The following BTBD2 variants were observed in gnomAD, a reference collection of about 807,000 sequenced individuals.
The protein encoded by BTBD2 is BTB/POZ domain-containing protein 2.
BTBD2 carries 15 observed loss-of-function variants against 44.0 expected under a neutral mutation model. The observed-to-expected ratio is 0.34, with a 90% CI of 0.23 to 0.53. BTBD2 has a LOEUF of 0.53. Ranked by LOEUF, BTBD2 falls within the 20% of genes least tolerant of loss-of-function variation. The pLI, the probability that BTBD2 is intolerant of heterozygous loss-of-function variation, is 0.95. For synonymous variants in BTBD2, 443 were observed against 335.9 expected (o/e 1.32, Z -3.49); for missense variants, 657 against 746.4 (o/e 0.88, Z 1.39).
Position 1,993,092 on chromosome 19 carries a change from C to T in BTBD2, c.612G>A (p.Ala204=). The T allele has an allele frequency of 6.2e-7, 1 of 1,608,824 alleles. No individual in the cohort carries two copies. Among genetic ancestry groups the T allele is most frequent in the Non-Finnish European group, 8.5e-7 (1 of 1,179,712 alleles). The part of the protein sequence containing the change: ...LYTAKKYAVP[A]LEAHCVEFLK... ...GGAACTCCACGCAATGGGCCTCGAG[C>T]GCTGGCACCGCGTACTTCTTGGCGG... The change falls in exon 3 of 9, where the codon GCG becomes GCA. Residue 204 remains alanine (A), a synonymous_variant. Coordinates refer to ENST00000255608, the MANE Select transcript of BTBD2 (RefSeq NM_017797.4).
At chr19:2,006,232 C>T (rs1423428713) in intron 1 of BTBD2, among the ~76,000 whole-genome samples, 1 of 152,206 alleles carries the variant, frequency 6.6e-6, no homozygotes, top group South Asian at 2.1e-4. Flanking sequence ...CATCTGTAGT[C>T]CGTACTGGCA....
intron 1 of BTBD2, chr19:2,013,820 C>T (rs575140425): frequency 1.7e-5 from 5 of 291,300 alleles, no homozygotes; most frequent in African/African-American, 9.6e-5. Flanking sequence ...GCAGGGAGGA[C>T]GCAGGGAGCA....
chr19:2,012,864 TC>T (rs1168106476), intron 1 of BTBD2, among the ~76,000 whole-genome samples: 1 of 151,204 alleles, frequency 6.6e-6, no homozygotes, highest in Non-Finnish European at 1.5e-5. Context: ...GCGCCCCACC[TC>T]CCCCCTCAAA....
intron 1 of BTBD2, among the ~76,000 whole-genome samples, chr19:2,010,024 T>C (rs1180777790): frequency 2.0e-5 from 3 of 151,642 alleles, no homozygotes; most frequent in East Asian, 1.9e-4. Context: ...TGGTGGCGGG[T>C]GCCTGTAGTC....
intron 3 of BTBD2, chr19:1,991,027 T>C (rs1181734634): frequency 7.4e-6 from 4 of 543,096 alleles, no homozygotes; most frequent in Non-Finnish European, 1.3e-5. Flanking sequence ...GGCGGGAGAG[T>C]TGGGGAGTTC....
intron 2 of BTBD2, 62 bp from the exon 3 acceptor site, chr19:1,993,238 GTCAGGGGACCAC>G: frequency 1.3e-6 from 2 of 1,539,996 alleles, no homozygotes; most frequent in Non-Finnish European, 1.7e-6. Flanking sequence ...AGGGGAGAGC[GTCAGGGGACCAC>G]TCAGACCGTT....
intron 2 of BTBD2, 107 bp from the exon 3 acceptor site, chr19:1,993,283 G>C (rs1245110630): frequency 7.0e-7 from 1 of 1,429,250 alleles, no homozygotes; most frequent in East Asian, 2.6e-5. Flanking sequence ...CGGCCCTTGA[G>C]CTGGCAGGAC....
At position 1,997,329 on chromosome 19, in the gene BTBD2, A is replaced by AT; in HGVS notation, c.527+14dup. ...CAGGCCCAGCTCCCCAGCAGGAAGC[A>AT]TCCGGAAGCATTACTTGAGCAGTGC... On this transcript the variant is annotated intron_variant, in intron 2 of 8. Transcript: ENST00000255608. 1 of 1,614,012 alleles carries AT rather than the reference A, an allele frequency of 6.2e-7. No homozygotes were observed. The highest frequency in any genetic ancestry group is 8.5e-7 in the Non-Finnish European group (1 of 1,179,998).
At chr19:1,990,862 A>G (rs2016167391) in intron 3 of BTBD2, 40 bp from the exon 4 acceptor site, 3 of 1,501,734 alleles carry the variant, frequency 2.0e-6, no homozygotes, top group East Asian at 2.5e-5. Flanking sequence ...TGGGGACATC[A>G]GCACCCAGCC....
intron 1 of BTBD2, among the ~76,000 whole-genome samples, chr19:2,010,861 AC>A (rs1440469632): frequency 6.6e-6 from 1 of 151,814 alleles, no homozygotes; most frequent in Non-Finnish European, 1.5e-5. Context: ...CTGGTCTCAA[AC>A]CCCTGACCTC....
intron 8 of BTBD2, 38 bp downstream of exon 8, chr19:1,986,792 A>AGACTCCCACGGAGG (rs1178742062): frequency 1.3e-6 from 2 of 1,577,984 alleles, no homozygotes; most frequent in Admixed American, 3.4e-5. Context: ...GATGGGCCAG[A>AGACTCCCACGGAGG]GACTCCCACG....
intron 2 of BTBD2, among the ~76,000 whole-genome samples, chr19:1,994,880 T>C (rs1274619805): frequency 6.6e-6 from 1 of 152,224 alleles, no homozygotes; most frequent in East Asian, 1.9e-4. Context: ...CCAATGTCTT[T>C]GTTTATTCTT....
At chr19:1,990,401 G>GTTGTT in intron 4 of BTBD2, 200 bp from the exon 5 acceptor site, 1 of 658,828 alleles carries the variant, frequency 1.5e-6, no homozygotes, top group East Asian at 2.8e-5. Context: ...CTCGGCTGTG[G>GTTGTT]TTGTTTTTAA....
In BTBD2 at chr19:2,015,159, G is replaced by A. The variant is rs1257093530; in HGVS notation, c.407+138C>T. 2.3e-6 allele frequency: 3 copies of A among 1,306,612 alleles called. No individual in the cohort carries two copies. The East Asian group carries it at 9.5e-5, about 41-fold the overall frequency. The allele number at this position is 1,306,612 out of a possible 1,614,324, so 80.9% of individuals were successfully genotyped here. A position where few individuals can be genotyped will look rare whatever the true frequency, so the allele number is the denominator to read the frequency against. On this transcript the variant is annotated intron_variant, in intron 1 of 8. Transcript: ENST00000255608. ...GAGGATGCAGGGGTGCAGGGGTCCCGGGGACAGAGGGGTGCAGGGCTCGGG... is the reference window on the plus strand; with the variant it reads ...GAGGATGCAGGGGTGCAGGGGTCCCAGGGACAGAGGGGTGCAGGGCTCGGG...
intron 2 of BTBD2, among the ~76,000 whole-genome samples, chr19:1,994,341 T>A (rs756129802): frequency 4.6e-5 from 7 of 150,832 alleles, no homozygotes; most frequent in Non-Finnish European, 4.4e-5. Flanking sequence ...AATAAAAAAA[T>A]GTCTCCAGCC....
intron 1 of BTBD2, chr19:2,013,439 T>G: frequency 3.3e-6 from 3 of 906,076 alleles, no homozygotes; most frequent in Non-Finnish European, 4.0e-6. Flanking sequence ...GGTCTCTGGG[T>G]TGGAAGGGCC....
At chr19:1,990,954 G>A in intron 3 of BTBD2, 132 bp from the exon 4 acceptor site, 1 of 777,118 alleles carries the variant, frequency 1.3e-6, no homozygotes, top group Non-Finnish European at 2.1e-6. Flanking sequence ...GGAGCCACCA[G>A]GGTCTCAGCC....
chr19:2,001,430 C>T (rs1353372160), intron 1 of BTBD2, among the ~76,000 whole-genome samples: 2 of 151,322 alleles, frequency 1.3e-5, no homozygotes, highest in Admixed American at 6.6e-5. Flanking sequence ...AGGCGGAGGT[C>T]GCAGTGAGCT....
intron 1 of BTBD2, among the ~76,000 whole-genome samples, chr19:2,000,796 CCATT>C (rs2016319924): frequency 6.6e-6 from 1 of 152,224 alleles, no homozygotes; most frequent in African/African-American, 2.4e-5. Context: ...CAACCAGCGT[CCATT>C]GACAGACACG....
Sources: allele counts gnomAD v4.1 joint callset (sites outside exome capture counted in the v4.1 genomes callset), GRCh38; gene constraint gnomAD v4.1.1; transcripts MANE v1.5; gene names NCBI Gene and HGNC (gene_info 2026-07-23, HGNC 2026-07-21).